Variants in MINAR1 observed in about 807,000 individuals in gnomAD.
The protein encoded by MINAR1 is major intrinsically disordered Notch2-binding receptor 1.
Under a neutral mutation model 65.1 loss-of-function variants are expected in MINAR1, and 40 were observed. The ratio of observed to expected loss-of-function variants is 0.61; its 90% CI spans 0.48 to 0.80. The LOEUF (loss-of-function observed/expected upper bound fraction) is 0.80, where lower values mean the gene tolerates loss of function less well. Among genes scored for constraint, MINAR1 ranks in the 30% least tolerant of loss-of-function variants. The pLI is 0.00. For missense variants in MINAR1, 1,128 were observed against 1,148.0 expected (o/e 0.98, Z 0.25); for synonymous variants, 482 against 449.1 (o/e 1.07, Z -0.93).
Position 79,458,251 on chromosome 15 carries a change from A to G in MINAR1, c.2104A>G (p.Ser702Gly). The part of the protein sequence containing the change: ...ESLRVKALKK[S>G]LFTRPSSRSL... ...CCTGCGGGTCAAGGCCTTAAAAAAA[A>G]GCCTCTTCACCAGGCCATCCTCTAG... The change falls in exon 2 of 4, where the codon AGC (serine) becomes GGC (glycine). Residue 702 changes from serine (S) to glycine (G), a missense_variant. Coordinates refer to ENST00000305428, the MANE Select transcript of MINAR1 (RefSeq NM_015206.3). The G allele has an allele frequency of 6.2e-7, 1 of 1,614,106 alleles. No individual in the cohort carries two copies. The highest frequency in any genetic ancestry group is 8.5e-7 in the Non-Finnish European group (1 of 1,180,028).
At chr15:79,414,442 A>C in the MINAR1 span, 1 of 152,260 alleles carries the variant, frequency 6.6e-6, no homozygotes, top group Non-Finnish European at 1.5e-5. Context: ...CCACAAGTAC[A>C]GAAAAGTAGT....
Position 79,456,105 on chromosome 15 carries a change from C to G in MINAR1, c.-43C>G, listed in dbSNP as rs768176492. On this transcript the variant is annotated 5_prime_UTR_variant, in exon 2 of 4. Coordinates refer to ENST00000305428, the MANE Select transcript of MINAR1 (RefSeq NM_015206.3). The stretch of plus-strand genomic sequence containing the variant: ...TCAATATTGCCACCACAGAACTGAC[C>G]TGAAGTTTCAGTGTAGTCAGAGAGC... 5 of 1,585,922 alleles carry G rather than the reference C, an allele frequency of 3.2e-6. No homozygotes were observed. Among genetic ancestry groups the G allele is most frequent in the Middle Eastern group, 1.7e-4 (1 of 5,946 alleles).
chr15:79,431,526 G>A (rs1894438577), upstream of MINAR1, among the ~76,000 whole-genome samples: 2 of 150,520 alleles, frequency 1.3e-5, no homozygotes, highest in African/African-American at 4.9e-5. Flanking sequence ...GGGGGGGAGA[G>A]AAACAGGGAG....
Position 79,457,764 on chromosome 15 carries a change from G to A in MINAR1, c.1617G>A (p.Ser539=), listed in dbSNP as rs757970490. The A allele has an allele frequency of 3.2e-5, 52 of 1,614,018 alleles. No homozygotes were observed. Among genetic ancestry groups the A allele is most frequent in the African/African-American group, 4.0e-5 (3 of 74,904 alleles). ...GTGGCTCCACGGGAGTGATACAGTC[G>A]TCCTGCTACAACAGCACAGGATCCT... ...SISGSTGVIQ[S]SCYNSTGSLS... The change falls in exon 2 of 4, where the codon TCG becomes TCA. Residue 539 remains serine, a synonymous_variant. Transcript: ENST00000305428.
At chr15:79,452,586 G>C (rs1190455760) in intron 1 of MINAR1, among the ~76,000 whole-genome samples, 1 of 148,836 alleles carries the variant, frequency 6.7e-6, no homozygotes, top group Non-Finnish European at 1.5e-5. Flanking sequence ...GGGTGAGTCT[G>C]TGTAGGTGTG....
At chr15:79,416,788 CCTT>C in the MINAR1 span, 1 of 152,192 alleles carries the variant, frequency 6.6e-6, no homozygotes, top group Non-Finnish European at 1.5e-5. Flanking sequence ...CGTGGTTCTA[CCTT>C]CTTAGCTTGC....
At position 79,434,924 on chromosome 15, in the gene MINAR1, TC is replaced by T. The variant is rs1390442411; in HGVS notation, c.-51+2388del. 1.2e-4 allele frequency among the ~76,000 whole-genome samples: 19 copies of T among 152,302 alleles called. No individual in the cohort carries two copies. In the East Asian group the frequency reaches 2.1e-3, roughly 17 times the overall value. ...TATCAGACTAGATCATGGATTTGTT[TC>T]CCCTCTTTTTCCCCTTCTCTCTCGA... On this transcript the variant is annotated intron_variant, in intron 1 of 3. Coordinates refer to ENST00000305428, the MANE Select transcript of MINAR1 (RefSeq NM_015206.3).
At chr15:79,439,489 GCAGT>G (rs930409960) in intron 1 of MINAR1, among the ~76,000 whole-genome samples, 4 of 151,568 alleles carry the variant, frequency 2.6e-5, no homozygotes, top group African/African-American at 7.3e-5. Context: ...GGATATGGTG[GCAGT>G]CAGTCAGGGA....
chr15:79,413,934 C>G, the MINAR1 span: 1 of 152,238 alleles, frequency 6.6e-6, no homozygotes, highest in African/African-American at 2.4e-5. Flanking sequence ...TGTCTAGCAC[C>G]TATTCCACCT....
the MINAR1 span, chr15:79,419,134 T>C: frequency 2.6e-5 from 4 of 152,172 alleles, no homozygotes; most frequent in African/African-American, 9.7e-5. Flanking sequence ...TTCTTAGCTA[T>C]TGTGGGGATG....
rs1437580646 is a variant in MINAR1 at position 79,466,040 on chromosome 15, G to A, written c.2554-2147G>A. On this transcript the variant is annotated intron_variant, in intron 3 of 3. Transcript: ENST00000305428. ...GGAAGAGGCTTCTGGGGCTCTAGCA[G>A]AGGATGCAGGAGTTTCTTGCAAAGG... 2.0e-5 allele frequency among the ~76,000 whole-genome samples: 3 copies of A among 152,284 alleles called. No homozygotes were observed. In the East Asian group the frequency reaches 5.8e-4, roughly 30 times the overall value.
chr15:79,441,558 T>A (rs188335209), intron 1 of MINAR1, among the ~76,000 whole-genome samples: 39 of 152,290 alleles, frequency 2.6e-4, no homozygotes, highest in Admixed American at 1.1e-3. Flanking sequence ...ATATATCTGA[T>A]TATTTTCTTC....
chr15:79,455,620 A>G (rs1250841906), intron 1 of MINAR1, among the ~76,000 whole-genome samples: 1 of 152,212 alleles, frequency 6.6e-6, no homozygotes, highest in Non-Finnish European at 1.5e-5. Context: ...AGATGGAATC[A>G]TGCAGTGGAG....
chr15:79,463,352 A>T lies in MINAR1; in HGVS notation c.2553+31A>T, dbSNP rs747045979. On this transcript the variant is annotated intron_variant, in intron 3 of 3. Coordinates refer to ENST00000305428, the MANE Select transcript of MINAR1 (RefSeq NM_015206.3). ...CCTCTCACTGTCCCTGGGTGGGGGA[A>T]GCCCAGCTGTGCCCTGGCAAATGCC... is the stretch of plus-strand genomic sequence containing the variant. The T allele has an allele frequency of 4.4e-6, 7 of 1,604,914 alleles. No homozygotes were observed. The South Asian group carries it at 6.6e-5, about 15-fold the overall frequency.
In MINAR1 at chr15:79,457,187, G is replaced by A. The variant is rs1895460788; in HGVS notation, c.1040G>A (p.Gly347Glu). ...TATTTTGGGCCCACTCCCGTGATGG[G>A]AACCCAAGAAGCCAGGCGCTGTCTA... ...STYFGPTPVM[G>E]TQEARRCLGK... Residue 347 changes from glycine (G) to glutamate (E), a missense_variant, in exon 2 of 4, where the codon GGA becomes GAA. Gly to Glu is a moderately conservative substitution (Grantham distance 98, BLOSUM62 -2). Coordinates refer to ENST00000305428, the MANE Select transcript of MINAR1 (RefSeq NM_015206.3). 1.2e-6 allele frequency: 2 copies of A among 1,613,932 alleles called. No homozygotes were observed. Among genetic ancestry groups the A allele is most frequent in the Admixed American group, 3.3e-5 (2 of 59,972 alleles).
At chr15:79,437,438 A>AGT (rs1894637613) in intron 1 of MINAR1, among the ~76,000 whole-genome samples, 1 of 131,316 alleles carries the variant, frequency 7.6e-6, no homozygotes, top group Admixed American at 7.4e-5. Flanking sequence ...GTAGTGAGTG[A>AGT]GTGTGGGTAT....
At chr15:79,429,854 C>T (rs907384401), upstream of MINAR1, among the ~76,000 whole-genome samples, 2 of 152,146 alleles carry the variant, frequency 1.3e-5, no homozygotes, top group East Asian at 1.9e-4. Context: ...GTGTGTGCAA[C>T]GGGAGAGGGA....
At chr15:79,466,432 CAAAT>C (rs905477465) in intron 3 of MINAR1, among the ~76,000 whole-genome samples, 8 of 152,166 alleles carry the variant, frequency 5.3e-5, no homozygotes, top group African/African-American at 1.4e-4. Context: ...AATTTGGAAA[CAAAT>C]AGGAGTGGCT....
the MINAR1 span, chr15:79,422,155 C>T: frequency 6.6e-6 from 1 of 152,258 alleles, no homozygotes; most frequent in Non-Finnish European, 1.5e-5. Context: ...GGCCCCAGCC[C>T]TCATCCCCAA....
Sources: gnomAD v4.1 joint callset for allele counts (sites outside exome capture counted in the v4.1 genomes callset) on GRCh38, gnomAD v4.1.1 for gene constraint, MANE v1.5 for transcripts, NCBI Gene and HGNC (gene_info 2026-07-23, HGNC 2026-07-21) for gene names.